TEX261: variants seen among roughly 807,000 people sequenced by gnomAD.
The protein encoded by TEX261 is testis expressed 261.
Under a neutral mutation model 25.1 loss-of-function variants are expected in TEX261, and 13 were observed. That is an observed-to-expected ratio of 0.52 (90% CI 0.34 to 0.82). The LOEUF (loss-of-function observed/expected upper bound fraction) is 0.82, where lower values mean the gene tolerates loss of function less well. Among genes scored for constraint, TEX261 ranks in the 40% least tolerant of loss-of-function variants. The pLI is 0.02. For synonymous variants in TEX261, 92 were observed against 97.8 expected (o/e 0.94, Z 0.35); for missense variants, 206 against 243.2 (o/e 0.85, Z 1.02).
intron 4 of TEX261, chr2:70,989,315 C>A (rs1050284731): frequency 1.4e-5 from 7 of 485,486 alleles, no homozygotes; most frequent in Non-Finnish European, 2.6e-5. Context: ...TGACCCACAC[C>A]CCCCAAAGAA....
rs73937100 is a variant in TEX261 at position 70,994,362 on chromosome 2, C to T, written c.70+326G>A. The T allele has an allele frequency of 2.1e-3, 993 of 468,868 alleles. 11 individuals are homozygous for T. The highest frequency in any genetic ancestry group is 0.019 in the African/African-American group (923 of 47,408). 29.0% of individuals were successfully genotyped at this position (468,868 alleles called of 1,614,324 possible). A position where few individuals can be genotyped will look rare whatever the true frequency, so the allele number is the denominator to read the frequency against. On this transcript the variant is annotated intron_variant, in intron 1 of 5. Transcript: ENST00000272438. ...CCAGAGGCGCAAAGGCGGCGGTAGGCGTTGGGGAAAAGTTCCGCGCGGCAG... is the reference window on the plus strand; with the variant it reads ...CCAGAGGCGCAAAGGCGGCGGTAGGTGTTGGGGAAAAGTTCCGCGCGGCAG...
intron 3 of TEX261, 129 bp downstream of exon 3, chr2:70,991,701 C>A: frequency 8.7e-7 from 1 of 1,152,574 alleles, no homozygotes; most frequent in Non-Finnish European, 1.2e-6. Flanking sequence ...ACCGCATCTT[C>A]CCAACTAGCC....
intron 3 of TEX261, among the ~76,000 whole-genome samples, chr2:70,990,734 T>C (rs4852737): frequency 0.061 from 9,363 of 152,276 alleles, 527 homozygotes; most frequent in Admixed American, 0.2. Flanking sequence ...GGTAGGATAG[T>C]GCCTGGTGCC....
At chr2:70,990,259 AAGG>A (rs1670277967) in intron 3 of TEX261, among the ~76,000 whole-genome samples, 1 of 151,458 alleles carries the variant, frequency 6.6e-6, no homozygotes, top group Admixed American at 6.6e-5. Flanking sequence ...ACTGGGCAGC[AAGG>A]AGAAGGCCTG....
chr2:70,992,066 C>A, intron 2 of TEX261, 83 bp from the exon 3 acceptor site: 1 of 1,377,312 alleles, frequency 7.3e-7, no homozygotes. Context: ...CCGCTCTGGG[C>A]AGCACTAGGT....
intron 3 of TEX261, among the ~76,000 whole-genome samples, chr2:70,990,487 G>A (rs577690156): frequency 6.6e-6 from 1 of 152,162 alleles, no homozygotes; most frequent in South Asian, 2.1e-4. Context: ...ATAAAAGAGG[G>A]CACGTGTGCA....
chr2:70,992,198 T>G (rs1302664194), intron 2 of TEX261, among the ~76,000 whole-genome samples: 6 of 149,798 alleles, frequency 4.0e-5, no homozygotes, highest in East Asian at 2.0e-4. Flanking sequence ...CAGGCTGGAG[T>G]GCAGTGGCGC....
intron 3 of TEX261, among the ~76,000 whole-genome samples, chr2:70,990,653 T>C (rs1670284636): frequency 6.6e-6 from 1 of 152,100 alleles, no homozygotes; most frequent in Admixed American, 6.6e-5. Context: ...CTCTCCTGCC[T>C]CTCCCATTCT....
In TEX261 at chr2:70,986,242, C is replaced by T. The variant is rs1349786259; in HGVS notation, c.*2358G>A. The T allele has an allele frequency of 6.5e-6, 1 of 152,732 alleles. No homozygotes were observed. The highest frequency in any genetic ancestry group is 2.4e-5 in the African/African-American group (1 of 41,530). The allele number at this position is 152,732 out of a possible 1,614,324, so 9.5% of individuals were successfully genotyped here. On this transcript the variant is annotated 3_prime_UTR_variant, in exon 6 of 6. Coordinates refer to ENST00000272438, the MANE Select transcript of TEX261 (RefSeq NM_144582.3). ...AGGAATCAGAGTGGCAATGGAGAGC[C>T]ACTGCATCTCTGGATACAGGAGGCT...
intron 2 of TEX261, 46 bp downstream of exon 2, chr2:70,993,650 C>T: frequency 6.6e-7 from 1 of 1,508,236 alleles, no homozygotes. Flanking sequence ...GCTTTTGAGG[C>T]AGGGCAAAAG....
At chr2:70,992,192 C>T (rs1250927141) in intron 2 of TEX261, among the ~76,000 whole-genome samples, 1 of 150,062 alleles carries the variant, frequency 6.7e-6, no homozygotes. Context: ...GTCATCCAGG[C>T]TGGAGTGCAG....
chr2:70,989,493 C>A (rs782205971), intron 4 of TEX261: 6 of 495,688 alleles, frequency 1.2e-5, no homozygotes, highest in Middle Eastern at 5.5e-4. Context: ...CCCTTCCTGA[C>A]CTCAGGATGA....
intron 4 of TEX261, 181 bp from the exon 5 acceptor site, chr2:70,989,198 G>A (rs1469302973): frequency 6.3e-6 from 4 of 630,470 alleles, no homozygotes; most frequent in Non-Finnish European, 8.6e-6. Context: ...GGGAAAGGTG[G>A]AGGCTGAAAA....
chr2:70,992,913 G>A (rs1486173429), intron 2 of TEX261, among the ~76,000 whole-genome samples: 3 of 152,086 alleles, frequency 2.0e-5, no homozygotes, highest in Non-Finnish European at 4.4e-5. Context: ...CTACTGATAA[G>A]TACCTACAGT....
At chr2:70,994,559 T>A in intron 1 of TEX261, 129 bp downstream of exon 1, 1 of 1,350,948 alleles carries the variant, frequency 7.4e-7, no homozygotes, top group Non-Finnish European at 1.0e-6. Context: ...GGGAAGGGGT[T>A]GGGGCGGCGA....
In TEX261 at chr2:70,994,504, G is replaced by A; in HGVS notation, c.70+184C>T. 1.1e-5 allele frequency: 9 copies of A among 823,680 alleles called. No homozygotes were observed. The South Asian group carries it at 1.4e-4, about 13-fold the overall frequency. 51.0% of individuals were successfully genotyped at this position (823,680 alleles called of 1,614,324 possible). On this transcript the variant is annotated intron_variant, in intron 1 of 5. Transcript: ENST00000272438. ...CTCTGTGACACCTGGAAGGAGCCAC[G>A]GTCAGGCCGGGCTGCCAGGCTCGAC... is the stretch of plus-strand genomic sequence containing the variant.
chr2:70,988,341 A>G lies in TEX261; in HGVS notation c.*259T>C. On this transcript the variant is annotated 3_prime_UTR_variant, in exon 6 of 6. Transcript: ENST00000272438. ...TGACCCACCTTGGAAGGGACAGGGG[A>G]GGACTGAGGGACCTCGGCCTCCTGG... The G allele has an allele frequency of 2.1e-6, 1 of 467,386 alleles. No homozygotes were observed. The highest frequency in any genetic ancestry group is 3.9e-6 in the Non-Finnish European group (1 of 253,440). 29.0% of individuals were successfully genotyped at this position (467,386 alleles called of 1,614,324 possible).
rs1425890237 is a variant in TEX261 at position 70,986,235 on chromosome 2, G to A, written c.*2365C>T. 4 of 152,660 alleles carry A rather than the reference G, an allele frequency of 2.6e-5. No homozygotes were observed. Among genetic ancestry groups the A allele is most frequent in the African/African-American group, 9.7e-5 (4 of 41,428 alleles). The allele number at this position is 152,660 out of a possible 1,614,324, so 9.5% of individuals were successfully genotyped here. On this transcript the variant is annotated 3_prime_UTR_variant, in exon 6 of 6. Transcript: ENST00000272438. ...AGAAAGGAGGAATCAGAGTGGCAAT[G>A]GAGAGCCACTGCATCTCTGGATACA...
chr2:70,993,262 G>C (rs1250029781), intron 2 of TEX261, among the ~76,000 whole-genome samples: 1 of 152,248 alleles, frequency 6.6e-6, no homozygotes, highest in Admixed American at 6.5e-5. Flanking sequence ...CGAGGGCAGC[G>C]AAGCTGTGCC....
Sources: gnomAD v4.1 joint callset for allele counts (sites outside exome capture counted in the v4.1 genomes callset) on GRCh38, gnomAD v4.1.1 for gene constraint, MANE v1.5 for transcripts, NCBI Gene and HGNC (gene_info 2026-07-23, HGNC 2026-07-21) for gene names.